Variants in LYSMD1 observed in about 807,000 individuals in gnomAD.
The protein encoded by LYSMD1 is lysM and putative peptidoglycan-binding domain-containing protein 1.
In LYSMD1, 9 loss-of-function variants were observed where a neutral mutation model predicts 19.3. The ratio of observed to expected loss-of-function variants is 0.47; its 90% CI spans 0.28 to 0.81. LYSMD1 has a LOEUF of 0.81. Among genes scored for constraint, LYSMD1 ranks in the 40% least tolerant of loss-of-function variants. The pLI is 0.11. For synonymous variants in LYSMD1, 111 were observed against 111.7 expected (o/e 0.99, Z 0.04); for missense variants, 262 against 279.8 (o/e 0.94, Z 0.45).
chr1:151,159,359 C>A, downstream of LYSMD1: 1 of 1,185,386 alleles, frequency 8.4e-7, no homozygotes, highest in Non-Finnish European at 1.2e-6. Flanking sequence ...TTTCAATCTT[C>A]AGGCTTCATT....
At chr1:151,163,196 T>C (rs1306089759) in intron 1 of LYSMD1, among the ~76,000 whole-genome samples, 1 of 152,080 alleles carries the variant, frequency 6.6e-6, no homozygotes, top group African/African-American at 2.4e-5. Flanking sequence ...AAAACTTGTA[T>C]TCATCAACTA....
the LYSMD1 span, among the ~76,000 whole-genome samples, chr1:151,151,801 C>A: frequency 6.5e-4 from 99 of 151,602 alleles, 2 homozygotes; most frequent in East Asian, 0.017. Flanking sequence ...TGGTGGCGGG[C>A]GCCTGTAGTC....
Position 151,161,800 on chromosome 1 carries a change from GCTT to G in LYSMD1, c.478_480del (p.Lys160del). 6.2e-7 allele frequency: 1 copy of G among 1,612,748 alleles called. No individual in the cohort carries two copies. Among genetic ancestry groups the G allele is most frequent in the Non-Finnish European group, 8.5e-7 (1 of 1,179,666 alleles). Reference sequence around the variant, plus strand: ...TTGGACAGGCTGATCTGTGAATCAAGCTTCTTAAGGAAATCAGAGGCAGAGAGG... The same window carrying G: ...TTGGACAGGCTGATCTGTGAATCAAGCTTAAGGAAATCAGAGGCAGAGAGG... On this transcript the variant is annotated inframe_deletion, in exon 2 of 3. Coordinates refer to ENST00000368908, the MANE Select transcript of LYSMD1 (RefSeq NM_212551.5).
Position 151,161,951 on chromosome 1 carries a change from G to A in LYSMD1, c.330C>T (p.His110=). Residue 110 remains histidine, a synonymous_variant, in exon 2 of 3, where the codon CAC becomes CAT. Transcript: ENST00000368908. The part of the protein sequence containing the change: ...EEEKDGEEKV[H]PSNSEVWPHS... The stretch of plus-strand genomic sequence containing the variant: ...GTGGCCAAACTTCACTGTTACTTGG[G>A]TGTACTTTTTCCTCTCCATCTTTCT... The A allele has an allele frequency of 1.2e-6, 2 of 1,614,092 alleles. No individual in the cohort carries two copies. The highest frequency in any genetic ancestry group is 1.7e-6 in the Non-Finnish European group (2 of 1,180,022).
chr1:151,152,591 T>C, the LYSMD1 span, among the ~76,000 whole-genome samples: 7 of 150,400 alleles, frequency 4.7e-5, no homozygotes, highest in African/African-American at 9.8e-5. Flanking sequence ...TCCCAGCTAC[T>C]TGGGAGGCTG....
the LYSMD1 span, among the ~76,000 whole-genome samples, chr1:151,151,241 G>C: frequency 1.3e-5 from 2 of 151,840 alleles, no homozygotes; most frequent in South Asian, 2.1e-4. Context: ...ACCTAGGCTA[G>C]AGTGCAGTGG....
intron 1 of LYSMD1, 60 bp downstream of exon 1, chr1:151,165,019 T>G (rs1683618151): frequency 1.4e-6 from 2 of 1,478,920 alleles, no homozygotes; most frequent in Non-Finnish European, 1.9e-6. Flanking sequence ...GGCCACTACA[T>G]TCTTCTCAGG....
chr1:151,161,881 T>C lies in LYSMD1; in HGVS notation c.400A>G (p.Asn134Asp), dbSNP rs903135613. The change falls in exon 2 of 3, where the codon AAT becomes GAT. Residue 134 changes from asparagine (N) to aspartate (D), a missense_variant. Coordinates refer to ENST00000368908, the MANE Select transcript of LYSMD1 (RefSeq NM_212551.5). ...KKQETGAGRA[N>D]GEVLPTPGQE... ...CCAGGTGTGGGGAGGACTTCACCAT[T>C]GGCACGTCCTGCTCCTGTCTCTTGT... 4.3e-6 allele frequency: 7 copies of C among 1,614,058 alleles called. No individual in the cohort carries two copies. Among genetic ancestry groups the C allele is most frequent in the Non-Finnish European group, 5.9e-6 (7 of 1,180,006 alleles).
chr1:151,158,202 A>G (rs931667640), downstream of LYSMD1, among the ~76,000 whole-genome samples: 4 of 152,074 alleles, frequency 2.6e-5, no homozygotes, highest in African/African-American at 9.7e-5. Context: ...GGGTGCCTGT[A>G]ATCCCAACTA....
the LYSMD1 span, among the ~76,000 whole-genome samples, chr1:151,150,364 C>T: frequency 6.6e-6 from 1 of 152,236 alleles, no homozygotes; most frequent in Admixed American, 6.5e-5. Context: ...TCCTTGTCTG[C>T]ACCCAGTCAT....
In LYSMD1 at chr1:151,165,474, G is replaced by C; in HGVS notation, c.-216C>G. 2 of 1,435,250 alleles carry C rather than the reference G, an allele frequency of 1.4e-6. No homozygotes were observed. Among genetic ancestry groups the C allele is most frequent in the Non-Finnish European group, 1.8e-6 (2 of 1,101,286 alleles). The allele number at this position is 1,435,250 out of a possible 1,614,324, so 88.9% of individuals were successfully genotyped here. On this transcript the variant is annotated 5_prime_UTR_variant, in exon 1 of 3. Transcript: ENST00000368908. Reference sequence around the variant, plus strand: ...CACAAATCTGTCCCTTGAGTATTCAGTCCCTCCCTAATTCTCCCCTAAGCA... The same window carrying C: ...CACAAATCTGTCCCTTGAGTATTCACTCCCTCCCTAATTCTCCCCTAAGCA...
the LYSMD1 span, among the ~76,000 whole-genome samples, chr1:151,150,783 T>A: frequency 5.3e-5 from 8 of 150,342 alleles, no homozygotes; most frequent in African/African-American, 2.0e-4. Context: ...CGCCCCAGGC[T>A]GGAGTGCAGT....
At chr1:151,159,325 CCCTGCTCA>C (rs1683352177), downstream of LYSMD1, 2 of 1,423,108 alleles carry the variant, frequency 1.4e-6, no homozygotes, top group Non-Finnish European at 1.9e-6. Context: ...GGCTTCCTAA[CCCTGCTCA>C]CCTGGCACTA....
At chr1:151,157,801 ATGTT>A (rs1397355896), downstream of LYSMD1, among the ~76,000 whole-genome samples, 4 of 152,204 alleles carry the variant, frequency 2.6e-5, no homozygotes, top group African/African-American at 9.6e-5. Context: ...TTCTCAGTAA[ATGTT>A]AGTTATTACT....
At chr1:151,158,989 G>C (rs749831451), downstream of LYSMD1, 3 of 1,614,286 alleles carry the variant, frequency 1.9e-6, no homozygotes, top group Admixed American at 1.7e-5. Flanking sequence ...GCGGCAGGGT[G>C]CCATGACGGC....
In LYSMD1 at chr1:151,165,307, G is replaced by A. The variant is rs753444793; in HGVS notation, c.-49C>T. On this transcript the variant is annotated 5_prime_UTR_variant, in exon 1 of 3. Transcript: ENST00000368908. ...GGTTGCAACTAGGGGAGGTACGACC[G>A]AGACTGCGACTGACAGGCCTGAAGT... 109 of 1,583,988 alleles carry A rather than the reference G, an allele frequency of 6.9e-5. No homozygotes were observed. The highest frequency in any genetic ancestry group is 8.4e-5 in the Non-Finnish European group (98 of 1,163,782).
At chr1:151,157,306 C>T (rs1683258235), downstream of LYSMD1, among the ~76,000 whole-genome samples, 5 of 152,212 alleles carry the variant, frequency 3.3e-5, no homozygotes, top group South Asian at 1.0e-3. Context: ...CAGTCTCCAC[C>T]TCCTCTGCCT....
chr1:151,160,980 A>C lies in LYSMD1; in HGVS notation c.586T>G (p.Trp196Gly), dbSNP rs1279520832. ...CCTAGGACTGCTCGTTGCTGCATCC[A>C]AGGGGAGCTCAGGTGGAGACCTGCA... ...EDAGLHLSSP[W>G]MQQRAVLGPV... The change falls in exon 3 of 3, where the codon TGG becomes GGG. Residue 196 changes from tryptophan to glycine, a missense_variant. Trp to Gly is a radical substitution (Grantham distance 184). Transcript: ENST00000368908. 1 of 1,614,084 alleles carries C rather than the reference A, an allele frequency of 6.2e-7. No individual in the cohort carries two copies. The highest frequency in any genetic ancestry group is 8.5e-7 in the Non-Finnish European group (1 of 1,180,032).
downstream of LYSMD1, among the ~76,000 whole-genome samples, chr1:151,157,434 C>T (rs587696546): frequency 2.0e-3 from 308 of 152,330 alleles, no homozygotes; most frequent in African/African-American, 7.1e-3. Context: ...AGAAGAACCA[C>T]AGGCGAAGAC....
Sources: gnomAD v4.1 joint callset for allele counts (sites outside exome capture counted in the v4.1 genomes callset) on GRCh38, gnomAD v4.1.1 for gene constraint, MANE v1.5 for transcripts, NCBI Gene and HGNC (gene_info 2026-07-23, HGNC 2026-07-21) for gene names.